Variants in SCAPER observed in about 807,000 individuals in gnomAD.
The protein encoded by SCAPER is S-phase cyclin A associated protein in the ER.
Under a neutral mutation model 182.2 loss-of-function variants are expected in SCAPER, and 98 were observed. The observed-to-expected ratio is 0.54, with a 90% CI of 0.46 to 0.64. The LOEUF is 0.64. SCAPER is among the 30% of genes least tolerant of loss of function. The pLI is 0.00. For synonymous variants in SCAPER, 605 were observed against 564.6 expected, an observed-to-expected ratio of 1.07 and a Z score of -1.01; for missense variants, 1,432 against 1,690.0, an observed-to-expected ratio of 0.85 and a Z score of 2.68.
At chr15:76,487,823 A>G (rs982521297) in intron 24 of SCAPER, among the ~76,000 whole-genome samples, 1 of 152,092 alleles carries the variant, frequency 6.6e-6, no homozygotes, top group Non-Finnish European at 1.5e-5. Context: ...ACTTAACTCC[A>G]CTAGTCTTTG....
intron 15 of SCAPER, among the ~76,000 whole-genome samples, chr15:76,752,582 A>C (rs931427411): frequency 1.3e-5 from 2 of 151,778 alleles, no homozygotes; most frequent in African/African-American, 4.8e-5. Context: ...ATATGCTATA[A>C]CACTGAAGAC....
chr15:76,769,461 AAAG>A (rs1349262216), intron 10 of SCAPER, among the ~76,000 whole-genome samples: 4 of 151,404 alleles, frequency 2.6e-5, no homozygotes, highest in Non-Finnish European at 5.9e-5. Flanking sequence ...AAAAAAAAAA[AAAG>A]AGAGTGAAAG....
In SCAPER at chr15:76,715,903, A is replaced by G. The variant is rs2059865591; in HGVS notation, c.2166-9919T>C. Among the ~76,000 whole-genome samples, 3 of 152,256 alleles carry G rather than the reference A, an allele frequency of 2.0e-5. No individual in the cohort carries two copies. In the South Asian group the frequency reaches 6.2e-4, roughly 32 times the overall value. On this transcript the variant is annotated intron_variant, in intron 17 of 31. Coordinates refer to ENST00000563290, the MANE Select transcript of SCAPER (RefSeq NM_020843.4). Reference sequence around the variant, plus strand: ...GAACTGAATCCACTCATGCCTTGGAAAGTGAACCTGTGCCTGAAGTCCCAG... The same window carrying G: ...GAACTGAATCCACTCATGCCTTGGAGAGTGAACCTGTGCCTGAAGTCCCAG...
intron 5 of SCAPER, among the ~76,000 whole-genome samples, chr15:76,810,550 AC>A (rs2066515410): frequency 3.7e-5 from 4 of 108,204 alleles, no homozygotes; most frequent in African/African-American, 1.1e-4. Context: ...AAAAAAAAAA[AC>A]CACACACACA....
chr15:76,775,705 T>C lies in SCAPER; in HGVS notation c.773-588A>G, dbSNP rs191235526. 1.3e-3 allele frequency among the ~76,000 whole-genome samples: 205 copies of C among 152,292 alleles called. 1 individual carries two copies. The highest frequency in any genetic ancestry group is 1.4e-3 in the Non-Finnish European group (97 of 68,014). On this transcript the variant is annotated intron_variant, in intron 8 of 31. Coordinates refer to ENST00000563290, the MANE Select transcript of SCAPER (RefSeq NM_020843.4). ...ACAGCATACCTTGATTTAAATAAACTATTTTTAGGATAAAATTATAGGATA... is the reference window on the plus strand; with the variant it reads ...ACAGCATACCTTGATTTAAATAAACCATTTTTAGGATAAAATTATAGGATA...
intron 20 of SCAPER, among the ~76,000 whole-genome samples, chr15:76,690,323 C>T (rs2058284749): frequency 6.6e-6 from 1 of 151,948 alleles, no homozygotes; most frequent in South Asian, 2.1e-4. Context: ...TGCAAAATGC[C>T]TCACCCAGCA....
chr15:76,537,594 A>G (rs1245171878), intron 23 of SCAPER, among the ~76,000 whole-genome samples: 6 of 152,198 alleles, frequency 3.9e-5, no homozygotes, highest in African/African-American at 1.4e-4. Flanking sequence ...CTTAAAGGTT[A>G]GACCTAAAAC....
chr15:76,505,133 CTAGGA>C (rs1056653307), intron 23 of SCAPER, among the ~76,000 whole-genome samples, 159 bp from the exon 24 acceptor site: 2 of 152,166 alleles, frequency 1.3e-5, no homozygotes, highest in Non-Finnish European at 2.9e-5. Context: ...TGTTTCAGTA[CTAGGA>C]AATATAGGTC....
intron 24 of SCAPER, 90 bp downstream of exon 24, chr15:76,504,769 C>T (rs1329885351): frequency 1.9e-6 from 2 of 1,062,906 alleles, no homozygotes; most frequent in Non-Finnish European, 2.7e-6. Flanking sequence ...AATACACATA[C>T]AATTTTCTTG....
intron 16 of SCAPER, 53 bp downstream of exon 16, chr15:76,733,176 C>T (rs1217666748): frequency 2.0e-5 from 31 of 1,521,344 alleles, no homozygotes; most frequent in Non-Finnish European, 2.5e-5. Context: ...GGGGCTGGAC[C>T]CTACAAATAT....
intron 10 of SCAPER, among the ~76,000 whole-genome samples, chr15:76,770,485 A>G (rs1249089577): frequency 6.6e-6 from 1 of 152,206 alleles, no homozygotes; most frequent in Admixed American, 6.5e-5. Flanking sequence ...AAACAAAACA[A>G]AAAGTATTCT....
chr15:76,786,942 A>G (rs899792997), intron 8 of SCAPER, among the ~76,000 whole-genome samples: 1 of 152,214 alleles, frequency 6.6e-6, no homozygotes, highest in Admixed American at 6.5e-5. Context: ...CAGAATGTCT[A>G]TCTTGAAAAT....
intron 25 of SCAPER, among the ~76,000 whole-genome samples, chr15:76,453,411 C>T (rs1418927356): frequency 6.6e-6 from 1 of 152,164 alleles, no homozygotes; most frequent in Non-Finnish European, 1.5e-5. Flanking sequence ...CTAGAAAACT[C>T]CTCAGTGACT....
At chr15:76,353,919 C>T (rs772069031) in intron 30 of SCAPER, 30 bp downstream of exon 30, 17 of 1,488,280 alleles carry the variant, frequency 1.1e-5, no homozygotes, top group Non-Finnish European at 8.9e-6. Context: ...ACACACAAAG[C>T]TAGACAATTA....
chr15:76,396,754 C>T (rs768245106), intron 27 of SCAPER, among the ~76,000 whole-genome samples: 25 of 152,172 alleles, frequency 1.6e-4, no homozygotes, highest in Non-Finnish European at 3.5e-4. Context: ...ATCATATCAT[C>T]TGTAAAAAAG....
chr15:76,858,023 A>G (rs1185331653), intron 3 of SCAPER, 144 bp from the exon 4 acceptor site: 2 of 574,484 alleles, frequency 3.5e-6, no homozygotes, highest in Non-Finnish European at 6.0e-6. Flanking sequence ...CAGAGACCAC[A>G]GTATAGTACA....
At chr15:76,880,402 A>C (rs2073457454) in intron 2 of SCAPER, among the ~76,000 whole-genome samples, 1 of 152,186 alleles carries the variant, frequency 6.6e-6, no homozygotes, top group Admixed American at 6.5e-5. Context: ...CTTCCCTAAC[A>C]AGCTATTAGC....
chr15:76,773,117 T>G (rs1227363903), intron 9 of SCAPER, among the ~76,000 whole-genome samples: 8 of 151,904 alleles, frequency 5.3e-5, no homozygotes, highest in African/African-American at 1.7e-4. Context: ...TGGCAATATT[T>G]ATATTAGCAT....
At chr15:76,707,708 TCAG>T (rs1167175445) in intron 17 of SCAPER, among the ~76,000 whole-genome samples, 1 of 151,982 alleles carries the variant, frequency 6.6e-6, no homozygotes, top group Non-Finnish European at 1.5e-5. Flanking sequence ...ACAGAGAAAA[TCAG>T]CAGTATACAG....
Sources: allele counts gnomAD v4.1 joint callset (sites outside exome capture counted in the v4.1 genomes callset), GRCh38; gene constraint gnomAD v4.1.1; transcripts MANE v1.5; gene names NCBI Gene and HGNC (gene_info 2026-07-23, HGNC 2026-07-21).